The following PKD1L1 variants were observed in gnomAD, a reference collection of about 807,000 sequenced individuals.
PKD1L1 encodes the protein polycystin 1 like 1, transient receptor potential channel interacting, also known as polycystin-1-like protein 1.
Under a neutral mutation model 323.4 loss-of-function variants are expected in PKD1L1, and 236 were observed. The ratio of observed to expected loss-of-function variants is 0.73; its 90% CI spans 0.66 to 0.81. PKD1L1 has a LOEUF of 0.81. Among genes scored for constraint, PKD1L1 ranks in the 40% least tolerant of loss-of-function variants. PKD1L1 has a pLI of 0.00. For missense variants in PKD1L1, 3,320 were observed against 3,508.0 expected (o/e 0.95, Z 1.35); for synonymous variants, 1,344 against 1,335.0 (o/e 1.01, Z -0.15).
chr7:47,871,491 C>T (rs753508592), intron 24 of PKD1L1, among the ~76,000 whole-genome samples: 10 of 152,114 alleles, frequency 6.6e-5, no homozygotes, highest in Non-Finnish European at 1.3e-4. Flanking sequence ...TATCTAGTTC[C>T]CTCCAGCCAT....
intron 14 of PKD1L1, among the ~76,000 whole-genome samples, chr7:47,894,783 C>A (rs1786900477): frequency 6.7e-6 from 1 of 149,642 alleles, no homozygotes; most frequent in Non-Finnish European, 1.5e-5. Context: ...CCCAGTAGCC[C>A]AGAGGGGGAG....
chr7:47,863,155 C>T (rs1481084028), intron 26 of PKD1L1, among the ~76,000 whole-genome samples: 1 of 152,068 alleles, frequency 6.6e-6, no homozygotes, highest in Non-Finnish European at 1.5e-5. Context: ...GAAAGGACTC[C>T]GGTGACACCT....
intron 8 of PKD1L1, among the ~76,000 whole-genome samples, chr7:47,914,302 CA>C (rs1341697356): frequency 1.3e-5 from 2 of 152,164 alleles, no homozygotes; most frequent in African/African-American, 4.8e-5. Context: ...TCTGTCATTT[CA>C]ATAAAGACAA....
intron 56 of PKD1L1, among the ~76,000 whole-genome samples, chr7:47,790,202 T>C (rs1013006571): frequency 2.0e-5 from 3 of 152,062 alleles, no homozygotes; most frequent in Non-Finnish European, 4.4e-5. Flanking sequence ...TTTTATTTTA[T>C]TTTTTACAAA....
intron 7 of PKD1L1, among the ~76,000 whole-genome samples, chr7:47,923,287 T>C (rs1177721359): frequency 6.8e-6 from 1 of 146,462 alleles, no homozygotes; most frequent in Non-Finnish European, 1.5e-5. Flanking sequence ...CCTATGACCC[T>C]GCCAAATCCC....
At chr7:47,896,062 C>A (rs753450868) in intron 14 of PKD1L1, among the ~76,000 whole-genome samples, 3 of 152,102 alleles carry the variant, frequency 2.0e-5, no homozygotes, top group Non-Finnish European at 4.4e-5. Context: ...CCTGGCCAGG[C>A]GTGATGGCTC....
In PKD1L1 at chr7:47,822,539, G is replaced by A. The variant is rs186178104; in HGVS notation, c.6855-1353C>T. Among the ~76,000 whole-genome samples the A allele has an allele frequency of 3.0e-4, 42 of 140,604 alleles. 1 individual carries two copies. The highest frequency in any genetic ancestry group is 7.8e-4 in the African/African-American group (30 of 38,288). 92.2% of individuals were successfully genotyped at this position (140,604 alleles called of 152,430 possible). On this transcript the variant is annotated intron_variant, in intron 45 of 56. Coordinates refer to ENST00000289672, the MANE Select transcript of PKD1L1 (RefSeq NM_138295.5). ...AAACTCGGGAGGCGGAGGTTGCAGT[G>A]AGCCGAGATCGCGCCATTGCGCTCC... is the stretch of plus-strand genomic sequence containing the variant.
chr7:47,960,396 TG>T, the PKD1L1 span, among the ~76,000 whole-genome samples: 1 of 68,196 alleles, frequency 1.5e-5, no homozygotes, highest in Non-Finnish European at 3.2e-5. Context: ...AAAAAAAAAC[TG>T]TAAAAAAGAA....
intron 55 of PKD1L1, among the ~76,000 whole-genome samples, chr7:47,794,834 G>A (rs1025498793): frequency 1.3e-5 from 2 of 152,220 alleles, no homozygotes; most frequent in African/African-American, 4.8e-5. Flanking sequence ...TGGAATCAAA[G>A]GAGATCATTT....
intron 33 of PKD1L1, among the ~76,000 whole-genome samples, chr7:47,843,870 C>G (rs1785611761): frequency 6.6e-6 from 1 of 152,210 alleles, no homozygotes; most frequent in South Asian, 2.1e-4. Context: ...CCGCCCCATC[C>G]CCTAGCATTC....
chr7:47,803,447 T>C, intron 52 of PKD1L1, 103 bp from the exon 53 acceptor site: 1 of 1,361,874 alleles, frequency 7.3e-7, no homozygotes. Flanking sequence ...TTGGATTTGA[T>C]GATGTTATAT....
In PKD1L1 at chr7:47,923,194, C is replaced by T. The variant is rs1353914405; in HGVS notation, c.1060+6010G>A. On this transcript the variant is annotated intron_variant, in intron 7 of 56. Coordinates refer to ENST00000289672, the MANE Select transcript of PKD1L1 (RefSeq NM_138295.5). The stretch of plus-strand genomic sequence containing the variant: ...CAAGTACCCAGGGACACAAACACTG[C>T]GGAAGGCGGTGGGGCCCTCTGCCTA... Among the ~76,000 whole-genome samples, 5 of 152,222 alleles carry T rather than the reference C, an allele frequency of 3.3e-5. No homozygotes were observed. The South Asian group carries it at 6.2e-4, about 19-fold the overall frequency.
intron 2 of PKD1L1, among the ~76,000 whole-genome samples, chr7:47,940,694 G>A (rs78941411): frequency 0.011 from 1,600 of 152,284 alleles, 8 homozygotes; most frequent in Middle Eastern, 0.02. Flanking sequence ...GGAGTGGTTG[G>A]GGAGCTGTTG....
chr7:47,875,670 T>C (rs979374922), intron 23 of PKD1L1, among the ~76,000 whole-genome samples: 7 of 152,192 alleles, frequency 4.6e-5, no homozygotes, highest in African/African-American at 1.7e-4. Context: ...CATTTTGTTT[T>C]GAGGTTATGT....
chr7:47,778,716 G>A (rs1786625245), intron 56 of PKD1L1, among the ~76,000 whole-genome samples: 1 of 152,128 alleles, frequency 6.6e-6, no homozygotes, highest in Non-Finnish European at 1.5e-5. Context: ...CCTCATCTTT[G>A]TATGAGTTTC....
chr7:47,867,258 C>T (rs17660040), intron 24 of PKD1L1, among the ~76,000 whole-genome samples: 6 of 152,150 alleles, frequency 3.9e-5, no homozygotes, highest in South Asian at 4.1e-4. Context: ...GCTCTATACA[C>T]GATGCTTAAG....
chr7:47,813,320 A>G (rs1784943148), intron 48 of PKD1L1, 27 bp from the exon 49 acceptor site: 1 of 1,612,490 alleles, frequency 6.2e-7, no homozygotes, highest in Non-Finnish European at 8.5e-7. Flanking sequence ...CAGTCAGAAG[A>G]CACAGATACT....
chr7:47,904,519 G>C lies in PKD1L1; in HGVS notation c.1790C>G (p.Thr597Arg). ...ATTTACCAGAGCTGAGGAGGGGGAC[G>C]TGAGCCGATTGGCCACAATTTTCTT... ...VQKKIVANRL[T>R]SPSSALVNAS... is the part of the protein sequence containing the mutation. Residue 597 changes from threonine to arginine, a missense_variant, in exon 12 of 57, where the codon ACG (threonine) becomes AGG (arginine). Physicochemically the swap from Thr to Arg is moderately conservative, Grantham distance 71 (BLOSUM62 -1). Coordinates refer to ENST00000289672, the MANE Select transcript of PKD1L1 (RefSeq NM_138295.5). 1 of 1,614,146 alleles carries C rather than the reference G, an allele frequency of 6.2e-7. No individual in the cohort carries two copies. The highest frequency in any genetic ancestry group is 8.5e-7 in the Non-Finnish European group (1 of 1,180,028).
the PKD1L1 span, among the ~76,000 whole-genome samples, chr7:47,955,279 GAA>G: frequency 6.6e-6 from 1 of 152,204 alleles, no homozygotes; most frequent in Admixed American, 6.5e-5. Flanking sequence ...GATGTGCTGT[GAA>G]AAGAGTCTGA....
Sources: gnomAD v4.1 joint callset for allele counts (sites outside exome capture counted in the v4.1 genomes callset) on GRCh38, gnomAD v4.1.1 for gene constraint, MANE v1.5 for transcripts, NCBI Gene and HGNC (gene_info 2026-07-23, HGNC 2026-07-21) for gene names.